Variants in MAPK10 observed in about 807,000 individuals in gnomAD.
MAPK10 encodes mitogen-activated protein kinase 10, also known as JNK3 alpha protein kinase.
MAPK10 carries 25 observed loss-of-function variants against 59.3 expected under a neutral mutation model. The observed-to-expected ratio is 0.42, with a 90% CI of 0.31 to 0.59. MAPK10 has a LOEUF of 0.59. MAPK10 is among the 20% of genes least tolerant of loss of function. The pLI is 0.15. For missense variants in MAPK10, 351 were observed against 568.9 expected (o/e 0.62, Z 3.90); for synonymous variants, 190 against 200.5 (o/e 0.95, Z 0.44).
At chr4:86,546,043 G>C (rs907674657) in intron 1 of MAPK10, among the ~76,000 whole-genome samples, 4 of 151,840 alleles carry the variant, frequency 2.6e-5, no homozygotes, top group Non-Finnish European at 5.9e-5. Flanking sequence ...CTGAGCTCAG[G>C]AGTTCAAGAC....
intron 2 of MAPK10, among the ~76,000 whole-genome samples, chr4:86,267,688 T>C (rs1164815746): frequency 1.3e-5 from 2 of 152,152 alleles, no homozygotes; most frequent in Non-Finnish European, 2.9e-5. Context: ...CACTTGCTTT[T>C]CACTCTGACT....
At chr4:86,590,235 A>G (rs752399817) in intron 1 of MAPK10, among the ~76,000 whole-genome samples, 8 of 152,160 alleles carry the variant, frequency 5.3e-5, no homozygotes, top group Non-Finnish European at 7.3e-5. Flanking sequence ...AAAGATACAC[A>G]AGAAATAACT....
In MAPK10 at chr4:86,359,691, G is replaced by T; in HGVS notation, c.-155C>A. 4.1e-6 allele frequency: 4 copies of T among 985,696 alleles called. No homozygotes were observed. Among genetic ancestry groups the T allele is most frequent in the Non-Finnish European group, 4.8e-6 (4 of 829,902 alleles). 61.1% of individuals were successfully genotyped at this position (985,696 alleles called of 1,614,324 possible). A position where few individuals can be genotyped will look rare whatever the true frequency, so the allele number is the denominator to read the frequency against. On this transcript the variant is annotated 5_prime_UTR_variant, in exon 1 of 14. Coordinates refer to ENST00000641462, the MANE Select transcript of MAPK10 (RefSeq NM_138982.4). ...GCCTGAGAACTACGATCCTGATCCG[G>T]CAGTGTTTGCCCCAGAAATCCTCCC...
At chr4:86,260,271 C>T (rs181916072) in intron 2 of MAPK10, among the ~76,000 whole-genome samples, 61 of 152,102 alleles carry the variant, frequency 4.0e-4, no homozygotes, top group Admixed American at 1.2e-3. Context: ...TTGTAAAATA[C>T]GAGTTTCATC....
Position 86,291,361 on chromosome 4 carries a change from G to T in MAPK10, c.-7+63169C>A, listed in dbSNP as rs200624292. Among the ~76,000 whole-genome samples, 3 of 152,248 alleles carry T rather than the reference G, an allele frequency of 2.0e-5. No homozygotes were observed. The East Asian group carries it at 5.8e-4, about 29-fold the overall frequency. ...TGTTGAAATCTTTTACAGGTCCCGA[G>T]TCGGCCAATGCCAGATAGATGTGCT... On this transcript the variant is annotated intron_variant, in intron 2 of 13. Coordinates refer to ENST00000641462, the MANE Select transcript of MAPK10 (RefSeq NM_138982.4).
intron 4 of MAPK10, among the ~76,000 whole-genome samples, chr4:86,134,374 T>C (rs1379832507): frequency 6.6e-6 from 1 of 152,148 alleles, no homozygotes; most frequent in Non-Finnish European, 1.5e-5. Flanking sequence ...GCCAGACAAA[T>C]TGAAAATTTC....
At chr4:86,530,194 C>T (rs1757758454) in intron 1 of MAPK10, among the ~76,000 whole-genome samples, 1 of 151,444 alleles carries the variant, frequency 6.6e-6, no homozygotes, top group Admixed American at 6.6e-5. Context: ...CATTTAAGAA[C>T]CTTGGGTGAG....
At chr4:86,525,338 A>C (rs181284268) in intron 1 of MAPK10, among the ~76,000 whole-genome samples, 7 of 152,216 alleles carry the variant, frequency 4.6e-5, no homozygotes, top group Middle Eastern at 3.4e-3. Flanking sequence ...AACACAAGCA[A>C]ATACAGAGTG....
chr4:86,148,986 G>A (rs1216946330), intron 4 of MAPK10, among the ~76,000 whole-genome samples: 2 of 152,070 alleles, frequency 1.3e-5, no homozygotes, highest in African/African-American at 2.4e-5. Context: ...GAGGTAGGAG[G>A]GCACCAGGAA....
intron 1 of MAPK10, among the ~76,000 whole-genome samples, chr4:86,488,915 G>A (rs1225115766): frequency 2.6e-5 from 4 of 152,184 alleles, no homozygotes; most frequent in Non-Finnish European, 5.9e-5. Flanking sequence ...TTGGCCACAG[G>A]ACCGGCCAAA....
intron 2 of MAPK10, among the ~76,000 whole-genome samples, chr4:86,232,364 T>A (rs1381253609): frequency 1.3e-5 from 2 of 151,602 alleles, no homozygotes; most frequent in Non-Finnish European, 2.9e-5. Context: ...CAAAAATGTA[T>A]AATAGAATCA....
intron 9 of MAPK10, among the ~76,000 whole-genome samples, chr4:86,078,124 T>C (rs1339128480): frequency 1.3e-5 from 2 of 152,198 alleles, no homozygotes; most frequent in Non-Finnish European, 2.9e-5. Flanking sequence ...CCAGTGGTAA[T>C]TGTAATCAAG....
intron 4 of MAPK10, among the ~76,000 whole-genome samples, chr4:86,128,279 A>T (rs1036313160): frequency 6.6e-6 from 1 of 152,148 alleles, no homozygotes; most frequent in Non-Finnish European, 1.5e-5. Flanking sequence ...AGTAAGTATT[A>T]CTATTGATAT....
intron 2 of MAPK10, among the ~76,000 whole-genome samples, chr4:86,351,860 G>C (rs1284758163): frequency 6.6e-6 from 1 of 152,118 alleles, no homozygotes; most frequent in East Asian, 1.9e-4. Context: ...ATAAGTGTTA[G>C]TTATCATTTT....
intron 11 of MAPK10, among the ~76,000 whole-genome samples, chr4:86,050,802 T>G (rs1242747067): frequency 6.6e-6 from 1 of 152,154 alleles, no homozygotes; most frequent in Non-Finnish European, 1.5e-5. Flanking sequence ...GGTAACAGAT[T>G]GCTGTACTAT....
intron 9 of MAPK10, among the ~76,000 whole-genome samples, chr4:86,072,307 T>C (rs1163303248): frequency 6.6e-6 from 1 of 151,956 alleles, no homozygotes; most frequent in Non-Finnish European, 1.5e-5. Context: ...GACGATGGGG[T>C]TTTCTAGATA....
intron 2 of MAPK10, among the ~76,000 whole-genome samples, chr4:86,335,765 TGGC>T: frequency 6.6e-6 from 1 of 152,284 alleles, no homozygotes; most frequent in Non-Finnish European, 1.5e-5. Context: ...GACTTTCACA[TGGC>T]GGCAAGAGAG....
intron 2 of MAPK10, among the ~76,000 whole-genome samples, chr4:86,255,633 A>G (rs2093673647): frequency 6.6e-6 from 1 of 152,100 alleles, no homozygotes. Flanking sequence ...TTTTTAAAAA[A>G]TCAAGGTTCT....
chr4:86,231,067 C>G (rs1053662979), intron 2 of MAPK10, among the ~76,000 whole-genome samples: 1 of 152,100 alleles, frequency 6.6e-6, no homozygotes, highest in Non-Finnish European at 1.5e-5. Flanking sequence ...CCAAGACCAA[C>G]GCTAACAAGA....
Sources: gnomAD v4.1 joint callset for allele counts (sites outside exome capture counted in the v4.1 genomes callset) on GRCh38, gnomAD v4.1.1 for gene constraint, MANE v1.5 for transcripts, NCBI Gene and HGNC (gene_info 2026-07-23, HGNC 2026-07-21) for gene names.